The following GPX6 variants were observed in gnomAD, a reference collection of about 807,000 sequenced individuals.
GPX6 encodes the protein glutathione peroxidase 6 (olfactory).
GPX6 carries 21 observed loss-of-function variants against 20.0 expected under a neutral mutation model. The ratio of observed to expected loss-of-function variants is 1.05; its 90% CI spans 0.74 to 1.51. GPX6 has a LOEUF of 1.51. GPX6 is among the 40% of genes most tolerant of loss of function. GPX6 has a pLI of 0.00. For missense variants in GPX6, 233 were observed against 254.7 expected (o/e 0.91, Z 0.58); for synonymous variants, 75 against 98.0 (o/e 0.77, Z 1.38).
chr6:28,514,080 C>A (rs1285266559), intron 1 of GPX6, among the ~76,000 whole-genome samples: 1 of 152,232 alleles, frequency 6.6e-6, no homozygotes, highest in South Asian at 2.1e-4. Flanking sequence ...CTTCATGACA[C>A]CTTACGTCTG....
At chr6:28,513,419 C>T (rs1047772096) in intron 1 of GPX6, among the ~76,000 whole-genome samples, 1 of 152,202 alleles carries the variant, frequency 6.6e-6, no homozygotes, top group South Asian at 2.1e-4. Context: ...TGCTCCCCCT[C>T]TGCTCCCGTA....
intron 2 of GPX6, among the ~76,000 whole-genome samples, chr6:28,510,445 A>G (rs1014689632): frequency 3.3e-5 from 5 of 152,244 alleles, no homozygotes; most frequent in Non-Finnish European, 7.3e-5. Flanking sequence ...CTTTCTTATT[A>G]AGAAACCCCA....
chr6:28,509,804 C>T (rs982001928), intron 2 of GPX6, among the ~76,000 whole-genome samples: 2 of 152,168 alleles, frequency 1.3e-5, no homozygotes, highest in Admixed American at 6.5e-5. Flanking sequence ...CCAAGGTTGG[C>T]GAGATGGAGC....
intron 2 of GPX6, among the ~76,000 whole-genome samples, chr6:28,507,815 CACCTTGGTCTCCCAAAGTGCTGGGATT>C (rs1224375585): frequency 6.6e-6 from 1 of 152,056 alleles, no homozygotes; most frequent in African/African-American, 2.4e-5. Flanking sequence ...GTGATCCGGC[CACCTTGGTCTCCCAAAGTGCTGGGATT>C]ACCTTGGTCT....
intron 1 of GPX6, among the ~76,000 whole-genome samples, chr6:28,512,359 C>A (rs1289608131): frequency 6.6e-6 from 1 of 152,222 alleles, no homozygotes; most frequent in African/African-American, 2.4e-5. Flanking sequence ...CAATCAGCAC[C>A]CTGTGTCTAG....
chr6:28,508,225 G>T (rs35711685), intron 2 of GPX6, among the ~76,000 whole-genome samples: 1 of 152,114 alleles, frequency 6.6e-6, no homozygotes, highest in African/African-American at 2.4e-5. Context: ...ATGGAACTGC[G>T]TTTACACATC....
chr6:28,510,739 G>C lies in GPX6; in HGVS notation c.241+12C>G, dbSNP rs373446796. The C allele has an allele frequency of 1.2e-6, 2 of 1,609,258 alleles. No homozygotes were observed. The highest frequency in any genetic ancestry group is 1.7e-6 in the Non-Finnish European group (2 of 1,178,040). On this transcript the variant is annotated intron_variant, in intron 2 of 4. Transcript: ENST00000361902. The stretch of plus-strand genomic sequence containing the variant: ...ATGCTGCTTCCAAAAGAGTTGAAAC[G>C]TGAGTTCTTACCAGGATACTGAGCT...
intron 3 of GPX6, 80 bp from the exon 4 acceptor site, chr6:28,505,882 C>A (rs902218246): frequency 3.8e-5 from 38 of 992,208 alleles, no homozygotes; most frequent in Non-Finnish European, 5.2e-5. Flanking sequence ...CAATTCACTA[C>A]CACAGGAAAT....
intron 2 of GPX6, among the ~76,000 whole-genome samples, chr6:28,507,928 T>A (rs1475460373): frequency 6.6e-6 from 1 of 152,218 alleles, no homozygotes; most frequent in Non-Finnish European, 1.5e-5. Flanking sequence ...AAAAGCAATG[T>A]GCATAATCAT....
chr6:28,507,423 GTTTC>G (rs1015176419), intron 2 of GPX6, among the ~76,000 whole-genome samples: 2 of 152,184 alleles, frequency 1.3e-5, no homozygotes, highest in Non-Finnish European at 2.9e-5. Context: ...CCTTTGGCAA[GTTTC>G]TTTAATTCTC....
intron 2 of GPX6, 68 bp downstream of exon 2, chr6:28,510,683 C>T: frequency 6.6e-7 from 1 of 1,524,626 alleles, no homozygotes; most frequent in Admixed American, 1.8e-5. Context: ...ATTGGTAAAA[C>T]CTTCTGGAAT....
chr6:28,512,838 G>GT (rs145178051), intron 1 of GPX6, among the ~76,000 whole-genome samples: 2,707 of 152,098 alleles, frequency 0.018, 71 homozygotes, highest in African/African-American at 0.055. Context: ...CTTAAGAGCT[G>GT]TAACACTGAC....
intron 1 of GPX6, 154 bp from the exon 2 acceptor site, chr6:28,511,058 T>C (rs1246908038): frequency 6.8e-6 from 4 of 587,226 alleles, no homozygotes; most frequent in Non-Finnish European, 1.1e-5. Flanking sequence ...TAGTTAGAGC[T>C]GATGCCATAG....
intron 1 of GPX6, among the ~76,000 whole-genome samples, chr6:28,512,820 C>G (rs745340117): frequency 6.6e-6 from 1 of 151,930 alleles, no homozygotes; most frequent in Non-Finnish European, 1.5e-5. Flanking sequence ...CAACTCCAGA[C>G]GCGCTGCCTT....
At chr6:28,513,041 A>C (rs1294097238) in intron 1 of GPX6, among the ~76,000 whole-genome samples, 20 of 152,320 alleles carry the variant, frequency 1.3e-4, no homozygotes. Context: ...AATTTTGAAC[A>C]CAGTAGGAGC....
chr6:28,509,939 A>T (rs912624114), intron 2 of GPX6, among the ~76,000 whole-genome samples: 1 of 152,226 alleles, frequency 6.6e-6, no homozygotes, highest in Non-Finnish European at 1.5e-5. Flanking sequence ...ATTTTCCAGA[A>T]TATCAAAGAT....
At chr6:28,513,360 C>T (rs1423320963) in intron 1 of GPX6, among the ~76,000 whole-genome samples, 1 of 152,206 alleles carries the variant, frequency 6.6e-6, no homozygotes, top group Non-Finnish European at 1.5e-5. Flanking sequence ...TAAACATTCA[C>T]TCCTAGACAC....
At chr6:28,507,151 G>C (rs1054864580) in intron 2 of GPX6, among the ~76,000 whole-genome samples, 5 of 152,198 alleles carry the variant, frequency 3.3e-5, no homozygotes, top group Non-Finnish European at 5.9e-5. Flanking sequence ...CAGCTTGTCT[G>C]TTTAGACTTG....
At chr6:28,511,832 TTG>T (rs1182343559) in intron 1 of GPX6, among the ~76,000 whole-genome samples, 1 of 151,974 alleles carries the variant, frequency 6.6e-6, no homozygotes, top group Non-Finnish European at 1.5e-5. Flanking sequence ...TTCCGAGGAG[TTG>T]TGGAGGGAGA....
Sources: allele counts gnomAD v4.1 joint callset (sites outside exome capture counted in the v4.1 genomes callset), GRCh38; gene constraint gnomAD v4.1.1; transcripts MANE v1.5; gene names NCBI Gene and HGNC (gene_info 2026-07-23, HGNC 2026-07-21).